The following WWC1 variants were observed in gnomAD, a reference collection of about 807,000 sequenced individuals.
WWC1 encodes WW and C2 domain containing 1, also known as protein KIBRA.
A neutral mutation model predicts 138.4 loss-of-function variants in WWC1; 55 were observed. The observed-to-expected ratio is 0.40, with a 90% CI of 0.32 to 0.50. The LOEUF is 0.50. Ranked by LOEUF, WWC1 falls within the 20% of genes least tolerant of loss-of-function variation. The pLI, the probability that WWC1 is intolerant of heterozygous loss-of-function variation, is 0.72. For missense variants in WWC1, 1,226 were observed against 1,420.4 expected (o/e 0.86, Z 2.20); for synonymous variants, 524 against 564.9 (o/e 0.93, Z 1.03).
intron 1 of WWC1, among the ~76,000 whole-genome samples, chr5:168,315,962 T>A (rs987030234): frequency 4.6e-5 from 7 of 152,116 alleles, no homozygotes; most frequent in African/African-American, 1.7e-4. Context: ...GGAGACTCCA[T>A]AGCTTGACAT....
chr5:168,428,375 A>G (rs1781679205), intron 12 of WWC1, among the ~76,000 whole-genome samples: 1 of 152,090 alleles, frequency 6.6e-6, no homozygotes, highest in Non-Finnish European at 1.5e-5. Flanking sequence ...GTAGCTACGA[A>G]AAAGGTATAT....
intron 1 of WWC1, among the ~76,000 whole-genome samples, chr5:168,346,123 T>G (rs1170880103): frequency 6.6e-6 from 1 of 150,830 alleles, no homozygotes; most frequent in Non-Finnish European, 1.5e-5. Flanking sequence ...GCCCTGGCTC[T>G]CCCTCCACCT....
chr5:168,364,798 C>T lies in WWC1; in HGVS notation c.120-6626C>T, dbSNP rs550088246. Reference sequence around the variant, plus strand: ...GCCCCAGAGCCGCCAAAGCTGACCTCCGCCTCCACTTCACCTGAATAGCAT... The same window carrying T: ...GCCCCAGAGCCGCCAAAGCTGACCTTCGCCTCCACTTCACCTGAATAGCAT... On this transcript the variant is annotated intron_variant, in intron 1 of 22. Coordinates refer to ENST00000265293, the MANE Select transcript of WWC1 (RefSeq NM_015238.3). Among the ~76,000 whole-genome samples, 34 of 152,316 alleles carry T rather than the reference C, an allele frequency of 2.2e-4. No individual in the cohort carries two copies. In the South Asian group the frequency reaches 5.0e-3, roughly 22 times the overall value.
At chr5:168,316,107 C>T (rs905089662) in intron 1 of WWC1, among the ~76,000 whole-genome samples, 7 of 152,218 alleles carry the variant, frequency 4.6e-5, no homozygotes, top group African/African-American at 9.6e-5. Flanking sequence ...AACTATTGGA[C>T]CATGAAACTC....
Position 168,359,033 on chromosome 5 carries a change from GGTGT to G in WWC1, c.120-12356_120-12353del, listed in dbSNP as rs58992917. Reference sequence around the variant, plus strand: ...TTTTTGTTGTTGTTGGTGGTGGTGGGGTGTGTGTGTGTGTGTGTGTGTGTGTGTG... The same window carrying G: ...TTTTTGTTGTTGTTGGTGGTGGTGGGGTGTGTGTGTGTGTGTGTGTGTGTG... On this transcript the variant is annotated intron_variant, in intron 1 of 22. Transcript: ENST00000265293. Among the ~76,000 whole-genome samples the G allele has an allele frequency of 9.5e-3, 1,403 of 148,270 alleles. 13 individuals are homozygous for G. The highest frequency in any genetic ancestry group is 0.02 in the African/African-American group (806 of 39,654).
chr5:168,409,595 T>C (rs1355978622), intron 7 of WWC1, among the ~76,000 whole-genome samples: 1 of 152,172 alleles, frequency 6.6e-6, no homozygotes, highest in Non-Finnish European at 1.5e-5. Context: ...TATCCCTGTT[T>C]CCTCCTCACC....
chr5:168,319,646 G>A (rs114162368), intron 1 of WWC1, among the ~76,000 whole-genome samples: 589 of 152,206 alleles, frequency 3.9e-3, no homozygotes, highest in African/African-American at 0.013. Flanking sequence ...GACCACAGGC[G>A]TGAGCCACTG....
intron 1 of WWC1, among the ~76,000 whole-genome samples, chr5:168,355,509 A>C (rs532921183): frequency 5.8e-4 from 88 of 151,824 alleles, no homozygotes; most frequent in East Asian, 2.7e-3. Context: ...AAAAAAAAAA[A>C]AAAAAAAAAA....
chr5:168,324,905 A>G (rs1342191355), intron 1 of WWC1, among the ~76,000 whole-genome samples: 2 of 152,246 alleles, frequency 1.3e-5, no homozygotes, highest in Non-Finnish European at 1.5e-5. Flanking sequence ...GAGAGCTTTT[A>G]CAATAATAGG....
chr5:168,448,720 G>A (rs917306607), intron 17 of WWC1, among the ~76,000 whole-genome samples: 2 of 148,144 alleles, frequency 1.4e-5, no homozygotes, highest in African/African-American at 2.5e-5. Flanking sequence ...CTGGGTTCAC[G>A]CCATTCTCAT....
chr5:168,394,375 A>T (rs1344327009), intron 3 of WWC1, among the ~76,000 whole-genome samples: 7 of 152,236 alleles, frequency 4.6e-5, no homozygotes, highest in Non-Finnish European at 8.8e-5. Flanking sequence ...AAAACTAAAA[A>T]TTAAGAACTA....
At position 168,383,978 on chromosome 5, in the gene WWC1, G is replaced by A. The variant is rs376600359; in HGVS notation, c.230-1233G>A. 1.2e-4 allele frequency among the ~76,000 whole-genome samples: 18 copies of A among 152,094 alleles called. No individual in the cohort carries two copies. The East Asian group carries it at 1.5e-3, about 13-fold the overall frequency. The stretch of plus-strand genomic sequence containing the variant: ...ATATCCTAAAATATCCTGCCACCTA[G>A]TTGGTTGTTGATATTTTCCTATTTT... On this transcript the variant is annotated intron_variant, in intron 2 of 22. Transcript: ENST00000265293.
intron 9 of WWC1, 94 bp downstream of exon 9, chr5:168,414,684 C>T (rs555402466): frequency 2.1e-6 from 3 of 1,441,212 alleles, no homozygotes; most frequent in Non-Finnish European, 2.7e-6. Flanking sequence ...GGCTCCGGGC[C>T]CCTGGGCTCC....
intron 1 of WWC1, among the ~76,000 whole-genome samples, chr5:168,300,001 T>A (rs2279698): frequency 0.33 from 50,228 of 151,976 alleles, 11,240 homozygotes; most frequent in East Asian, 0.72. Flanking sequence ...CCTGGTGACA[T>A]CCCTATCACC....
Position 168,471,601 on chromosome 5 carries a change from C to G in WWC1, c.*2584C>G, listed in dbSNP as rs1757674852. The G allele has an allele frequency of 6.6e-6, 1 of 152,274 alleles. No individual in the cohort carries two copies. Among genetic ancestry groups the G allele is most frequent in the South Asian group, 2.1e-4 (1 of 4,824 alleles). 9.4% of individuals were successfully genotyped at this position (152,274 alleles called of 1,614,324 possible). On this transcript the variant is annotated 3_prime_UTR_variant, in exon 23 of 23. Coordinates refer to ENST00000265293, the MANE Select transcript of WWC1 (RefSeq NM_015238.3). Reference sequence around the variant, plus strand: ...GGCCACAGCAACGGGGCAAATGCCCCAAGCTGGCTGTAAGTGACCCATCCC... The same window carrying G: ...GGCCACAGCAACGGGGCAAATGCCCGAAGCTGGCTGTAAGTGACCCATCCC...
In WWC1 at chr5:168,431,464, GGC is replaced by G; in HGVS notation, c.2280+21_2280+22del. ...TGCCTGGTAAGGGCCGTGTCTGGCT[GGC>G]TGGCTGGCTGGCTGGCTGGCTGGCT... On this transcript the variant is annotated intron_variant, in intron 15 of 22. Transcript: ENST00000265293. 1 of 314,806 alleles carries G rather than the reference GGC, an allele frequency of 3.2e-6. No homozygotes were observed. The allele number at this position is 314,806 out of a possible 1,614,324, so 19.5% of individuals were successfully genotyped here. A position where few individuals can be genotyped will look rare whatever the true frequency, so the allele number is the denominator to read the frequency against.
At chr5:168,430,406 G>A (rs1423322928) in intron 14 of WWC1, among the ~76,000 whole-genome samples, 183 bp downstream of exon 14, 1 of 152,156 alleles carries the variant, frequency 6.6e-6, no homozygotes, top group Non-Finnish European at 1.5e-5. Context: ...ACAACGGCAA[G>A]CACACCAACT....
intron 3 of WWC1, among the ~76,000 whole-genome samples, chr5:168,394,972 A>C (rs1296706236): frequency 6.6e-6 from 1 of 152,238 alleles, no homozygotes; most frequent in Non-Finnish European, 1.5e-5. Flanking sequence ...TTAGGTAAAA[A>C]TTGTGCACTT....
At chr5:168,354,197 C>G (rs1017466056) in intron 1 of WWC1, among the ~76,000 whole-genome samples, 5 of 151,960 alleles carry the variant, frequency 3.3e-5, no homozygotes, top group African/African-American at 1.2e-4. Flanking sequence ...ATTATAGGTG[C>G]CTGCCACCAC....
Sources: allele counts gnomAD v4.1 joint callset (sites outside exome capture counted in the v4.1 genomes callset), GRCh38; gene constraint gnomAD v4.1.1; transcripts MANE v1.5; gene names NCBI Gene and HGNC (gene_info 2026-07-23, HGNC 2026-07-21).